SNX24: variants seen among roughly 807,000 people sequenced by gnomAD.
The protein encoded by SNX24 is sorting nexin-24.
A neutral mutation model predicts 28.7 loss-of-function variants in SNX24; 22 were observed. The ratio of observed to expected loss-of-function variants is 0.77; its 90% CI spans 0.55 to 1.10. The LOEUF (loss-of-function observed/expected upper bound fraction) is 1.10. Among genes scored for constraint, SNX24 ranks in the 50% least tolerant of loss-of-function variants. SNX24 has a pLI of 0.00. For synonymous variants in SNX24, 69 were observed against 71.5 expected, an observed-to-expected ratio of 0.96 and a Z score of 0.18; for missense variants, 221 against 201.1, an observed-to-expected ratio of 1.10 and a Z score of -0.60.
rs749305127 is a variant in SNX24 at position 122,873,639 on chromosome 5, C to T, written c.60+27946C>T. ...TATTTACTTAGATTCATTTATTTAA[C>T]GAATGGTTTTTGAAGGCCTGAATTT... On this transcript the variant is annotated intron_variant, in intron 1 of 6. Transcript: ENST00000261369. Among the ~76,000 whole-genome samples the T allele has an allele frequency of 5.6e-4, 85 of 152,052 alleles. 3 individuals carry two copies. The Middle Eastern group carries it at 0.017, about 30-fold the overall frequency.
chr5:122,990,186 C>G (rs1301422201), intron 3 of SNX24, among the ~76,000 whole-genome samples: 12 of 152,204 alleles, frequency 7.9e-5, no homozygotes, highest in African/African-American at 2.9e-4. Flanking sequence ...GTCACACTCT[C>G]TAACCATTTC....
intron 1 of SNX24, among the ~76,000 whole-genome samples, chr5:122,884,244 T>C (rs1479428999): frequency 8.4e-6 from 1 of 118,644 alleles, no homozygotes; most frequent in Non-Finnish European, 1.6e-5. Context: ...CTCAATTGTT[T>C]CTTTTTCTTT....
chr5:122,882,703 T>A (rs1756534555), intron 1 of SNX24, among the ~76,000 whole-genome samples: 3 of 152,328 alleles, frequency 2.0e-5, no homozygotes, highest in South Asian at 4.1e-4. Context: ...ATAAAATAAT[T>A]TTTTCCCTTG....
intron 1 of SNX24, among the ~76,000 whole-genome samples, chr5:122,878,342 C>T (rs768063482): frequency 3.3e-5 from 5 of 151,792 alleles, no homozygotes; most frequent in Admixed American, 2.6e-4. Context: ...GGAGAAGGGG[C>T]CAGTGGGAAA....
At chr5:122,975,366 G>A (rs953879934) in intron 3 of SNX24, among the ~76,000 whole-genome samples, 3 of 150,872 alleles carry the variant, frequency 2.0e-5, no homozygotes, top group African/African-American at 7.3e-5. Flanking sequence ...ATAAATTTAT[G>A]GTTTTTTTTT....
At chr5:123,014,333 ATTTTTTTTT>A (rs70988553) in intron 5 of SNX24, among the ~76,000 whole-genome samples, 31 of 77,304 alleles carry the variant, frequency 4.0e-4, no homozygotes, top group East Asian at 1.6e-3. Flanking sequence ...TGCCCAGCTG[ATTTTTTTTT>A]TTTTTTTTTT....
At chr5:122,879,567 C>G (rs927010879) in intron 1 of SNX24, among the ~76,000 whole-genome samples, 6 of 152,192 alleles carry the variant, frequency 3.9e-5, no homozygotes, top group African/African-American at 1.2e-4. Flanking sequence ...CAGTTTCCCT[C>G]TCTACCACTT....
At chr5:122,966,732 C>T (rs1310858195) in intron 3 of SNX24, among the ~76,000 whole-genome samples, 2 of 152,130 alleles carry the variant, frequency 1.3e-5, no homozygotes, top group African/African-American at 4.8e-5. Flanking sequence ...CACTAGTCTC[C>T]TTTCCTTACT....
At chr5:122,909,861 G>A (rs1454083771) in intron 1 of SNX24, among the ~76,000 whole-genome samples, 1 of 152,186 alleles carries the variant, frequency 6.6e-6, no homozygotes, top group East Asian at 1.9e-4. Flanking sequence ...CATTACTACA[G>A]GCAGATCTTG....
At position 123,017,921 on chromosome 5, in the gene SNX24, G is replaced by A. The variant is rs186820768; in HGVS notation, n.384-11317G>A. On this transcript the variant is annotated intron_variant and non_coding_transcript_variant, in intron 5 of 5. Coordinates refer to the SNX24 transcript ENST00000502387. ...CGTCTTTATCAGCAGCATGAAAAGG[G>A]ACTAATATACATTTATTCTGAACAT... 2.6e-3 allele frequency among the ~76,000 whole-genome samples: 403 copies of A among 152,172 alleles called. 1 individual carries two copies. The highest frequency in any genetic ancestry group is 0.01 in the Middle Eastern group (3 of 294).
chr5:122,922,904 C>G (rs915289906), intron 1 of SNX24, among the ~76,000 whole-genome samples: 3 of 152,172 alleles, frequency 2.0e-5, no homozygotes, highest in African/African-American at 7.2e-5. Context: ...TGAATAGGGT[C>G]TAGCACATGG....
At chr5:122,935,791 A>T (rs1759155768) in intron 1 of SNX24, among the ~76,000 whole-genome samples, 1 of 152,212 alleles carries the variant, frequency 6.6e-6, no homozygotes, top group Admixed American at 6.5e-5. Flanking sequence ...TTTTAGTGTC[A>T]TGTGATCTCT....
chr5:122,949,451 T>C (rs896165363), intron 3 of SNX24, among the ~76,000 whole-genome samples: 1 of 152,178 alleles, frequency 6.6e-6, no homozygotes, highest in South Asian at 2.1e-4. Flanking sequence ...ATATTTTACA[T>C]TGTATTTGAA....
chr5:122,967,620 C>A (rs1016344985), intron 3 of SNX24, among the ~76,000 whole-genome samples: 1 of 152,172 alleles, frequency 6.6e-6, no homozygotes, highest in African/African-American at 2.4e-5. Context: ...AGACCGATAA[C>A]AGTACTTTCA....
intron 1 of SNX24, among the ~76,000 whole-genome samples, chr5:122,903,549 C>G (rs182339889): frequency 2.3e-3 from 356 of 152,324 alleles, no homozygotes; most frequent in African/African-American, 8.0e-3. Context: ...CTTTATGCAT[C>G]TAATTATCTC....
chr5:122,956,774 TC>T (rs1760235235), intron 3 of SNX24, among the ~76,000 whole-genome samples: 1 of 152,174 alleles, frequency 6.6e-6, no homozygotes. Context: ...TTTGCATTTT[TC>T]TAATGATCGC....
intron 1 of SNX24, among the ~76,000 whole-genome samples, chr5:122,925,242 TCTC>T (rs138791195): frequency 0.012 from 903 of 73,694 alleles, 17 homozygotes; most frequent in African/African-American, 0.045. Context: ...CTCTTCTTTT[TCTC>T]CTCCTCCTCC....
At chr5:122,997,715 G>C (rs1480349856) in intron 3 of SNX24, among the ~76,000 whole-genome samples, 1 of 152,146 alleles carries the variant, frequency 6.6e-6, no homozygotes, top group African/African-American at 2.4e-5. Context: ...AAGTAGTTCA[G>C]GTCATTAAAA....
At chr5:122,957,578 A>G (rs1485312073) in intron 3 of SNX24, among the ~76,000 whole-genome samples, 1 of 152,196 alleles carries the variant, frequency 6.6e-6, no homozygotes, top group Non-Finnish European at 1.5e-5. Context: ...TTGGAATTTT[A>G]ATAGGGATTG....
Sources: gnomAD v4.1 joint callset for allele counts (sites outside exome capture counted in the v4.1 genomes callset) on GRCh38, gnomAD v4.1.1 for gene constraint, MANE v1.5 for transcripts, NCBI Gene and HGNC (gene_info 2026-07-23, HGNC 2026-07-21) for gene names.